C7: variants seen among roughly 807,000 people sequenced by gnomAD.
C7 encodes the protein complement C7.
Under a neutral mutation model 104.8 loss-of-function variants are expected in C7, and 83 were observed. The observed-to-expected ratio is 0.79, with a 90% CI of 0.66 to 0.95. C7 has a LOEUF of 0.95. Among genes scored for constraint, C7 ranks in the 40% least tolerant of loss-of-function variants. C7 has a pLI of 0.00. For synonymous variants in C7, 415 were observed against 360.6 expected, an observed-to-expected ratio of 1.15 and a Z score of -1.71; for missense variants, 1,070 against 1,011.2, an observed-to-expected ratio of 1.06 and a Z score of -0.79.
At position 40,958,009 on chromosome 5, in the gene C7, A is replaced by C. The variant is rs1011261678; in HGVS notation, c.1261-24A>C. ...TTCTTGCCTAAATCCCTGATTACTG[A>C]CTATAATGTCTTTATCTCTATAGCT... On this transcript the variant is annotated intron_variant, in intron 10 of 17. Transcript: ENST00000313164. 3 of 1,524,204 alleles carry C rather than the reference A, an allele frequency of 2.0e-6. No individual in the cohort carries two copies. In the African/African-American group the frequency reaches 4.1e-5, roughly 21 times the overall value. 94.4% of individuals were successfully genotyped at this position (1,524,204 alleles called of 1,614,324 possible). A position where few individuals can be genotyped will look rare whatever the true frequency, so the allele number is the denominator to read the frequency against.
chr5:40,968,815 T>C (rs969606302), intron 14 of C7, among the ~76,000 whole-genome samples: 2 of 151,204 alleles, frequency 1.3e-5, no homozygotes, highest in African/African-American at 4.9e-5. Flanking sequence ...TTTCACCATG[T>C]TGCCGTGGCT....
chr5:40,978,432 C>A (rs983729713), intron 16 of C7, among the ~76,000 whole-genome samples: 1 of 152,226 alleles, frequency 6.6e-6, no homozygotes, highest in Non-Finnish European at 1.5e-5. Context: ...TTTAGTTGAT[C>A]TGCAGCTCGT....
chr5:40,936,502 C>A lies in C7; in HGVS notation c.428+17C>A, dbSNP rs375891936. ...TGGAAATGGGTAAGGTGCTGGGCAG[C>A]CTCCTGAGTACATCAGTGAATTGTA... On this transcript the variant is annotated intron_variant, in intron 5 of 17. Coordinates refer to ENST00000313164, the MANE Select transcript of C7 (RefSeq NM_000587.4). 1 of 1,606,226 alleles carries A rather than the reference C, an allele frequency of 6.2e-7. No homozygotes were observed. Among genetic ancestry groups the A allele is most frequent in the Admixed American group, 1.7e-5 (1 of 58,316 alleles).
At chr5:40,976,312 C>T (rs1044750742) in intron 15 of C7, among the ~76,000 whole-genome samples, 1 of 152,184 alleles carries the variant, frequency 6.6e-6, no homozygotes, top group Non-Finnish European at 1.5e-5. Context: ...AGTTTATAAG[C>T]ACCAGCTTCT....
chr5:40,972,934 T>C (rs1404576957), intron 15 of C7, among the ~76,000 whole-genome samples: 1 of 152,216 alleles, frequency 6.6e-6, no homozygotes, highest in African/African-American at 2.4e-5. Flanking sequence ...TAGATTTTTT[T>C]CCCCTGCATT....
In C7 at chr5:40,909,542, T is replaced by C; in HGVS notation, c.-69T>C. 7.3e-7 allele frequency: 1 copy of C among 1,375,748 alleles called. No homozygotes were observed. Among genetic ancestry groups the C allele is most frequent in the Non-Finnish European group, 1.0e-6 (1 of 990,366 alleles). 85.2% of individuals were successfully genotyped at this position (1,375,748 alleles called of 1,614,324 possible). The stretch of plus-strand genomic sequence containing the variant: ...GCAGCCTGCTGGGCTCTTCCTGCTG[T>C]TGAAAACTTACCCGGCCCTTACAGA... On this transcript the variant is annotated 5_prime_UTR_variant, in exon 1 of 18. Coordinates refer to ENST00000313164, the MANE Select transcript of C7 (RefSeq NM_000587.4).
chr5:40,919,478 G>T (rs1188582880), intron 1 of C7, among the ~76,000 whole-genome samples: 1 of 151,944 alleles, frequency 6.6e-6, no homozygotes, highest in African/African-American at 2.4e-5. Flanking sequence ...ATTATGGGAG[G>T]AAGCTAGGTG....
At chr5:40,948,729 T>C (rs569007458) in intron 8 of C7, among the ~76,000 whole-genome samples, 27 of 152,276 alleles carry the variant, frequency 1.8e-4, no homozygotes, top group African/African-American at 6.3e-4. Context: ...ACCTTTTTTT[T>C]CCTAACTTTG....
chr5:40,963,213 C>A (rs763039420), intron 13 of C7, among the ~76,000 whole-genome samples: 2 of 152,132 alleles, frequency 1.3e-5, no homozygotes, highest in African/African-American at 2.4e-5. Flanking sequence ...CTGGCTGCAT[C>A]CGAATGACTC....
intron 16 of C7, 114 bp from the exon 17 acceptor site, chr5:40,979,609 TTA>T: frequency 1.5e-6 from 1 of 667,802 alleles, no homozygotes. Flanking sequence ...TTTTTTTTTT[TTA>T]CTGTGGGTGA....
At chr5:40,922,269 G>A (rs1739453793) in intron 1 of C7, among the ~76,000 whole-genome samples, 1 of 148,648 alleles carries the variant, frequency 6.7e-6, no homozygotes, top group African/African-American at 2.5e-5. Context: ...CATCTACTTG[G>A]GAGGCTGAGG....
intron 4 of C7, among the ~76,000 whole-genome samples, chr5:40,934,771 C>G (rs1739779369): frequency 6.6e-6 from 1 of 152,102 alleles, no homozygotes; most frequent in Admixed American, 6.6e-5. Flanking sequence ...CAGAGTGAGT[C>G]TTGTACATAT....
chr5:40,972,736 CTGAG>C (rs35107512), intron 15 of C7, 142 bp downstream of exon 15: 56,487 of 598,896 alleles, frequency 0.094, 3,559 homozygotes, highest in East Asian at 0.21. Context: ...AGTTTGTAGA[CTGAG>C]TAACAGATTT....
At position 40,983,512 on chromosome 5, in the gene C7, G is replaced by A. The variant is rs998612145; in HGVS notation, c.*1939G>A. Among the ~76,000 whole-genome samples the A allele has an allele frequency of 6.6e-6, 1 of 152,106 alleles. No individual in the cohort carries two copies. The highest frequency in any genetic ancestry group is 1.5e-5 in the Non-Finnish European group (1 of 68,032). ...AGTCAAGGAGAGGAGAAGGAGAGGA[G>A]CAGTGAATGTTGTCGTGAAGAGGTG... On this transcript the variant is annotated 3_prime_UTR_variant, in exon 18 of 18. Coordinates refer to ENST00000313164, the MANE Select transcript of C7 (RefSeq NM_000587.4).
rs1414839208 is a variant in C7, at chr5:40,979,850, C to G, written c.2291C>G (p.Thr764Ser). 1 of 1,610,426 alleles carries G rather than the reference C, an allele frequency of 6.2e-7. No individual in the cohort carries two copies. ...ACCCTTACTGGTAGGGACAGCTGTA[C>G]TCTGCCTGCCTCAGCTGAGAAAGCT... The part of the protein sequence containing the change: ...NYTLTGRDSC[T>S]LPASAEKACG... The change falls in exon 17 of 18, where the codon ACT becomes AGT. Residue 764 changes from threonine to serine, a missense_variant. Thr to Ser is a moderately conservative substitution (Grantham distance 58). Transcript: ENST00000313164.
chr5:40,936,269 T>G, intron 4 of C7, 69 bp from the exon 5 acceptor site: 1 of 1,483,012 alleles, frequency 6.7e-7, no homozygotes, highest in Non-Finnish European at 9.4e-7. Context: ...GGAAAACCCT[T>G]TTTGGTCCTG....
rs950626534 is a variant in C7, at chr5:40,923,227, T to C, written c.7-5353T>C. ...GGCTAACAGGTATATGAAAAAATGC[T>C]CAATATCACTAATTGTATTAGGCCA... is the stretch of plus-strand genomic sequence containing the variant. On this transcript the variant is annotated intron_variant, in intron 1 of 17. Coordinates refer to ENST00000313164, the MANE Select transcript of C7 (RefSeq NM_000587.4). 4.6e-5 allele frequency among the ~76,000 whole-genome samples: 7 copies of C among 152,312 alleles called. No homozygotes were observed. In the East Asian group the frequency reaches 1.3e-3, roughly 29 times the overall value.
In C7 at chr5:40,983,888, T is replaced by A. The variant is rs937078927; in HGVS notation, c.*2315T>A. 2.0e-5 allele frequency among the ~76,000 whole-genome samples: 3 copies of A among 152,074 alleles called. No individual in the cohort carries two copies. Among genetic ancestry groups the A allele is most frequent in the African/African-American group, 7.2e-5 (3 of 41,410 alleles). On this transcript the variant is annotated 3_prime_UTR_variant, in exon 18 of 18. Transcript: ENST00000313164. ...ATCTGGGTTAGAAGGGGATAGAGCC[T>A]TGGAGGAGGCAGAGGGCAGAAAGCA...
rs775840176 is a variant in C7 at position 40,937,691 on chromosome 5, G to A, written c.567+1G>A. The stretch of plus-strand genomic sequence containing the variant: ...AAATGTCCTGTCCTATACATTCCAG[G>A]TACTTACGACGTTATTGATTTCCAA... On this transcript the variant is annotated splice_donor_variant, in intron 6 of 17. Transcript: ENST00000313164. LOFTEE classifies it high-confidence loss of function. The A allele has an allele frequency of 1.1e-5, 17 of 1,568,718 alleles. No homozygotes were observed. The highest frequency in any genetic ancestry group is 1.3e-5 in the Non-Finnish European group (15 of 1,156,092).
Sources: allele counts gnomAD v4.1 joint callset (sites outside exome capture counted in the v4.1 genomes callset), GRCh38; gene constraint gnomAD v4.1.1; transcripts MANE v1.5; gene names NCBI Gene and HGNC (gene_info 2026-07-23, HGNC 2026-07-21).